SLC5A3: variants seen among roughly 807,000 people sequenced by gnomAD.
SLC5A3 encodes sodium/myo-inositol cotransporter.
SLC5A3 carries 10 observed loss-of-function variants against 43.2 expected under a neutral mutation model. That is an observed-to-expected ratio of 0.23 (90% confidence interval 0.14 to 0.39). The LOEUF (loss-of-function observed/expected upper bound fraction) is 0.39, where lower values mean the gene tolerates loss of function less well. SLC5A3 is among the 10% of genes least tolerant of loss of function. The pLI, the probability that SLC5A3 is intolerant of heterozygous loss-of-function variation, is 1.00. For synonymous variants in SLC5A3, 349 were observed against 322.0 expected, an observed-to-expected ratio of 1.08 and a Z score of -0.90; for missense variants, 608 against 893.4, an observed-to-expected ratio of 0.68 and a Z score of 4.07.
At position 34,095,617 on chromosome 21, in the gene SLC5A3, C is replaced by A; in HGVS notation, c.419C>A (p.Ser140Ter). 6.2e-7 allele frequency: 1 copy of A among 1,613,680 alleles called. No homozygotes were observed. The highest frequency in any genetic ancestry group is 8.5e-7 in the Non-Finnish European group (1 of 1,179,916). ...SLILYIFTKL[S>*]VDLYSGALFI... The stretch of plus-strand genomic sequence containing the variant: ...ATTCTCTATATTTTCACCAAGCTCT[C>A]GGTGGATCTGTATTCGGGTGCCCTT... The change falls in exon 2 of 2, where the codon TCG becomes TAG. Residue 140 changes from serine (S) to a stop codon, truncating the protein, a stop_gained. Transcript: ENST00000381151. LOFTEE classifies it high-confidence loss of function.
chr21:34,091,905 C>T (rs1245694129), intron 1 of SLC5A3, among the ~76,000 whole-genome samples: 2 of 134,484 alleles, frequency 1.5e-5, no homozygotes, highest in Non-Finnish European at 3.1e-5. Context: ...ACATGCTTTT[C>T]ATAACTATAC....
rs1228711094 is a variant in SLC5A3 at position 34,096,176 on chromosome 21, T to C, written c.978T>C (p.Asp326=). ...PGMISRILFT[D]DIACINPEHC... ...TGATTTCCAGGATACTGTTTACTGA[T>C]GATATAGCTTGCATCAACCCAGAGC... The change falls in exon 2 of 2, where the codon GAT becomes GAC. Residue 326 remains aspartate, a synonymous_variant. Coordinates refer to ENST00000381151, the MANE Select transcript of SLC5A3 (RefSeq NM_006933.7). The surrounding 1 kb of genome is among the most constrained non-coding windows in gnomAD (Gnocchi z 5.9). 4 of 1,614,056 alleles carry C rather than the reference T, an allele frequency of 2.5e-6. No individual in the cohort carries two copies. Among genetic ancestry groups the C allele is most frequent in the East Asian group, 2.2e-5 (1 of 44,898 alleles).
chr21:34,093,872 T>G (rs1386847025), intron 1 of SLC5A3, among the ~76,000 whole-genome samples: 1 of 152,206 alleles, frequency 6.6e-6, no homozygotes, highest in African/African-American at 2.4e-5. Flanking sequence ...ACTGAAGATT[T>G]ATCTAATGGT....
In SLC5A3 at chr21:34,104,557, T is replaced by A; in HGVS notation, c.*7202T>A. 1.0e-6 allele frequency: 1 copy of A among 998,972 alleles called. No individual in the cohort carries two copies. 61.9% of individuals were successfully genotyped at this position (998,972 alleles called of 1,614,324 possible). A position where few individuals can be genotyped will look rare whatever the true frequency, so the allele number is the denominator to read the frequency against. ...ACTCTAATATATCTAGAAGGAAGAC[T>A]ATATCTGGTGTAGACTAATATGAGA... On this transcript the variant is annotated 3_prime_UTR_variant, in exon 2 of 2. Transcript: ENST00000381151.
Position 34,096,602 on chromosome 21 carries a change from A to G in SLC5A3, c.1404A>G (p.Gln468=). Residue 468 remains glutamine (Q), a synonymous_variant, in exon 2 of 2, where the codon CAA becomes CAG. Coordinates refer to ENST00000381151, the MANE Select transcript of SLC5A3 (RefSeq NM_006933.7). This position sits in a 1 kb window ranked among gnomAD's most constrained non-coding sequence, Gnocchi z 5.9. ...TTTTCTGGAAGCGCTGCAATGAACA[A>G]GGGGCTTTCTATGGTGGAATGGCTG... ...LAIFWKRCNE[Q]GAFYGGMAGF... 1.2e-6 allele frequency: 2 copies of G among 1,614,084 alleles called. No individual in the cohort carries two copies. The highest frequency in any genetic ancestry group is 1.7e-6 in the Non-Finnish European group (2 of 1,179,980).
chr21:34,079,602 ATTTTTTTTTT>A (rs398036389), intron 1 of SLC5A3, among the ~76,000 whole-genome samples: 2 of 43,660 alleles, frequency 4.6e-5, no homozygotes, highest in African/African-American at 8.5e-5. Context: ...GACCCAGCTA[ATTTTTTTTTT>A]TTTTTTTTTT....
rs950500656 is a variant in SLC5A3, at chr21:34,100,775, A to G, written c.*3420A>G. ...TCGCAGTCCATGGCTCATTTTCTTTATAGTAGGCATATGGATCTTCCCCTC... is the reference window on the plus strand; with the variant it reads ...TCGCAGTCCATGGCTCATTTTCTTTGTAGTAGGCATATGGATCTTCCCCTC... On this transcript the variant is annotated 3_prime_UTR_variant, in exon 2 of 2. Coordinates refer to ENST00000381151, the MANE Select transcript of SLC5A3 (RefSeq NM_006933.7). The G allele has an allele frequency of 1.0e-6, 1 of 1,000,202 alleles. No homozygotes were observed. The highest frequency in any genetic ancestry group is 1.1e-4 in the East Asian group (1 of 8,818). 62.0% of individuals were successfully genotyped at this position (1,000,202 alleles called of 1,614,324 possible).
chr21:34,080,642 C>T (rs539312949), intron 1 of SLC5A3, among the ~76,000 whole-genome samples: 6 of 152,318 alleles, frequency 3.9e-5, no homozygotes, highest in Non-Finnish European at 8.8e-5. Flanking sequence ...CTCATCACGT[C>T]TCCCATCACA....
chr21:34,075,671 TGAG>T lies in SLC5A3; in HGVS notation c.-337+1930_-337+1932del, dbSNP rs929471487. Among the ~76,000 whole-genome samples the T allele has an allele frequency of 2.4e-4, 36 of 152,346 alleles. 2 individuals carry two copies. The highest frequency in any genetic ancestry group is 1.9e-3 in the Admixed American group (29 of 15,306). On this transcript the variant is annotated intron_variant, in intron 1 of 1. Transcript: ENST00000381151. The stretch of plus-strand genomic sequence containing the variant: ...CTTATGTACAATGGCGAAGTTATGT[TGAG>T]GAGATCCTTGACCTAAATAAAGTAA...
Position 34,078,543 on chromosome 21 carries a change from A to C in SLC5A3, c.-337+4798A>C, listed in dbSNP as rs775068227. On this transcript the variant is annotated intron_variant, in intron 1 of 1. Transcript: ENST00000381151. ...TGATGTTTCTAGATTTTAAAAATCTAGGTTATATCTAGTATTATATGCAGA... is the reference window on the plus strand; with the variant it reads ...TGATGTTTCTAGATTTTAAAAATCTCGGTTATATCTAGTATTATATGCAGA... 1.2e-4 allele frequency among the ~76,000 whole-genome samples: 19 copies of C among 152,282 alleles called. No homozygotes were observed. The East Asian group carries it at 2.7e-3, about 22-fold the overall frequency.
intron 1 of SLC5A3, among the ~76,000 whole-genome samples, chr21:34,082,992 C>T (rs939142786): frequency 6.6e-6 from 1 of 152,172 alleles, no homozygotes; most frequent in Non-Finnish European, 1.5e-5. Context: ...CTTAGCAAAA[C>T]TTTCTTTATT....
At position 34,102,044 on chromosome 21, in the gene SLC5A3, G is replaced by A; in HGVS notation, c.*4689G>A. ...TTTTGTACTGGAACGTATGAGGCTG[G>A]ATTGTGAAAAGGTAATCTTTCGATT... On this transcript the variant is annotated 3_prime_UTR_variant, in exon 2 of 2. Transcript: ENST00000381151. 2.0e-6 allele frequency: 2 copies of A among 1,000,148 alleles called. No individual in the cohort carries two copies. The highest frequency in any genetic ancestry group is 2.4e-6 in the Non-Finnish European group (2 of 829,882). The allele number at this position is 1,000,148 out of a possible 1,614,324, so 62.0% of individuals were successfully genotyped here.
rs1360126254 is a variant in SLC5A3, at chr21:34,104,442, TA to T, written c.*7091del. On this transcript the variant is annotated 3_prime_UTR_variant, in exon 2 of 2. Transcript: ENST00000381151. ...TTTGTCTTAAATTTTGCCCATGTGT[TA>T]AAAGATGTAATTCTCAGAATGGGAG... is the stretch of plus-strand genomic sequence containing the variant. The T allele has an allele frequency of 1.0e-6, 1 of 999,874 alleles. No homozygotes were observed. Among genetic ancestry groups the T allele is most frequent in the Non-Finnish European group, 1.2e-6 (1 of 829,810 alleles). The allele number at this position is 999,874 out of a possible 1,614,324, so 61.9% of individuals were successfully genotyped here.
Position 34,097,142 on chromosome 21 carries a change from G to A in SLC5A3, c.1944G>A (p.Thr648=), listed in dbSNP as rs748105656. 16 of 1,613,874 alleles carry A rather than the reference G, an allele frequency of 9.9e-6. No homozygotes were observed. The highest frequency in any genetic ancestry group is 6.7e-5 in the African/African-American group (5 of 74,872). ...GTGAGAAAGAGAGAAAGAAAGAAACGGATGATGGAGGTCGGTACTGGAAGT... is the reference window on the plus strand; with the variant it reads ...GTGAGAAAGAGAGAAAGAAAGAAACAGATGATGGAGGTCGGTACTGGAAGT... ...LMGEKERKKE[T]DDGGRYWKFI... is the part of the protein sequence containing the mutation. Residue 648 remains threonine, a synonymous_variant, in exon 2 of 2, where the codon ACG becomes ACA. Coordinates refer to ENST00000381151, the MANE Select transcript of SLC5A3 (RefSeq NM_006933.7).
In SLC5A3 at chr21:34,097,262, A is replaced by G. The variant is rs773313197; in HGVS notation, c.2064A>G (p.Leu688=). The G allele has an allele frequency of 4.3e-6, 7 of 1,614,044 alleles. No individual in the cohort carries two copies. The East Asian group carries it at 1.3e-4, about 31-fold the overall frequency. Residue 688 remains leucine, a synonymous_variant, in exon 2 of 2, where the codon CTA becomes CTG. Transcript: ENST00000381151. ...AGGAGGCTGTTTGTTTACAGATGCT[A>G]GAAGAGACTCGGCAAGTTAAAGTAA... ...MEEEAVCLQM[L]EETRQVKVIL... is the part of the protein sequence containing the mutation.
At position 34,098,237 on chromosome 21, in the gene SLC5A3, C is replaced by T; in HGVS notation, c.*882C>T. ...CTAATCAGATGATTACTCATATATT[C>T]TGCTAATTTTCTAGCTTTATTCTTG... is the stretch of plus-strand genomic sequence containing the variant. On this transcript the variant is annotated 3_prime_UTR_variant, in exon 2 of 2. Transcript: ENST00000381151. The T allele has an allele frequency of 1.0e-6, 1 of 999,434 alleles. No individual in the cohort carries two copies. Among genetic ancestry groups the T allele is most frequent in the African/African-American group, 1.7e-5 (1 of 57,344 alleles). 61.9% of individuals were successfully genotyped at this position (999,434 alleles called of 1,614,324 possible).
rs143990570 is a variant in SLC5A3 at position 34,093,121 on chromosome 21, T to C, written c.-336-1742T>C. On this transcript the variant is annotated intron_variant, in intron 1 of 1. Transcript: ENST00000381151. Reference sequence around the variant, plus strand: ...AATTTAGATGATTCGTCCTACATAATGTCAAAGCATTTGTTTAAAAACTTG... The same window carrying C: ...AATTTAGATGATTCGTCCTACATAACGTCAAAGCATTTGTTTAAAAACTTG... Among the ~76,000 whole-genome samples the C allele has an allele frequency of 5.6e-4, 86 of 152,274 alleles. 1 individual carries two copies. In the East Asian group the frequency reaches 0.016, roughly 29 times the overall value.
At position 34,101,074 on chromosome 21, in the gene SLC5A3, T is replaced by C; in HGVS notation, c.*3719T>C. On this transcript the variant is annotated 3_prime_UTR_variant, in exon 2 of 2. Coordinates refer to ENST00000381151, the MANE Select transcript of SLC5A3 (RefSeq NM_006933.7). ...GATAGAGAGATGTATACAAGACCTT[T>C]CCTGTTAAATTACGTGACTACAGAG... is the stretch of plus-strand genomic sequence containing the variant. The C allele has an allele frequency of 1.0e-6, 1 of 1,000,178 alleles. No individual in the cohort carries two copies. Among genetic ancestry groups the C allele is most frequent in the Non-Finnish European group, 1.2e-6 (1 of 829,950 alleles). The allele number at this position is 1,000,178 out of a possible 1,614,324, so 62.0% of individuals were successfully genotyped here. A position where few individuals can be genotyped will look rare whatever the true frequency, so the allele number is the denominator to read the frequency against.
In SLC5A3 at chr21:34,102,033, G is replaced by GT; in HGVS notation, c.*4679dup. 3.0e-6 allele frequency: 3 copies of GT among 1,000,088 alleles called. No homozygotes were observed. Among genetic ancestry groups the GT allele is most frequent in the Non-Finnish European group, 2.4e-6 (2 of 829,862 alleles). The allele number at this position is 1,000,088 out of a possible 1,614,324, so 62.0% of individuals were successfully genotyped here. On this transcript the variant is annotated 3_prime_UTR_variant, in exon 2 of 2. Coordinates refer to ENST00000381151, the MANE Select transcript of SLC5A3 (RefSeq NM_006933.7). ...TAGAGGAACCCTTTTGTACTGGAAC[G>GT]TATGAGGCTGGATTGTGAAAAGGTA...
Sources: allele counts gnomAD v4.1 joint callset (sites outside exome capture counted in the v4.1 genomes callset), GRCh38; gene constraint gnomAD v4.1.1; non-coding constraint Gnocchi (gnomAD v3.1); transcripts MANE v1.5; gene names NCBI Gene and HGNC (gene_info 2026-07-23, HGNC 2026-07-21).